The following SLC38A1 variants were observed in gnomAD, a reference collection of about 807,000 sequenced individuals.
SLC38A1 encodes the protein solute carrier family 38 member 1.
Under a neutral mutation model 60.3 loss-of-function variants are expected in SLC38A1, and 18 were observed. That is an observed-to-expected ratio of 0.30 (90% CI 0.21 to 0.44). The LOEUF (loss-of-function observed/expected upper bound fraction) is 0.44, where lower values mean the gene tolerates loss of function less well. Ranked by LOEUF, SLC38A1 falls within the 20% of genes least tolerant of loss-of-function variation. The probability of loss-of-function intolerance (pLI) is 1.00; values close to 1 mark genes in which losing one functional copy is unlikely to be tolerated. For synonymous variants in SLC38A1, 196 were observed against 212.1 expected, an observed-to-expected ratio of 0.92 and a Z score of 0.66; for missense variants, 448 against 587.2, an observed-to-expected ratio of 0.76 and a Z score of 2.45.
chr12:46,196,328 C>T (rs954062609), intron 16 of SLC38A1: 2 of 1,530,850 alleles, frequency 1.3e-6, no homozygotes, highest in Non-Finnish European at 1.7e-6. Context: ...ACATGGCATA[C>T]CATCCTGGGT....
chr12:46,210,698 GT>G (rs551989959), intron 5 of SLC38A1, among the ~76,000 whole-genome samples: 1,880 of 152,192 alleles, frequency 0.012, 17 homozygotes, highest in Non-Finnish European at 0.021. Context: ...AGATCTGATG[GT>G]TTTTTTATAA....
intron 5 of SLC38A1, among the ~76,000 whole-genome samples, chr12:46,213,377 A>C (rs1940262406): frequency 6.6e-6 from 1 of 152,110 alleles, no homozygotes; most frequent in Admixed American, 6.5e-5. Context: ...TTTACATTAC[A>C]TTTTATCTTT....
chr12:46,190,951 T>C (rs1300864084), intron 16 of SLC38A1, among the ~76,000 whole-genome samples: 1 of 152,238 alleles, frequency 6.6e-6, no homozygotes, highest in East Asian at 1.9e-4. Context: ...ATCCCATTTG[T>C]CTATTTTGGC....
At chr12:46,192,220 T>A (rs1418097332) in intron 16 of SLC38A1, among the ~76,000 whole-genome samples, 1 of 152,240 alleles carries the variant, frequency 6.6e-6, no homozygotes, top group Non-Finnish European at 1.5e-5. Context: ...GTTCTGTTTA[T>A]GTGATGGATT....
chr12:46,186,296 C>T lies in SLC38A1; in HGVS notation c.*2674G>A, dbSNP rs998776752. On this transcript the variant is annotated 3_prime_UTR_variant, in exon 17 of 17. Transcript: ENST00000398637. ...TTGACAGTATTCTGTGTTACAATAA[C>T]TAGAGAACAGTTCTAAGTCCAAAGT... 4 of 152,150 alleles carry T rather than the reference C, an allele frequency of 2.6e-5. No homozygotes were observed. Among genetic ancestry groups the T allele is most frequent in the African/African-American group, 9.7e-5 (4 of 41,428 alleles). 9.4% of individuals were successfully genotyped at this position (152,150 alleles called of 1,614,324 possible).
chr12:46,214,392 GTTAT>G (rs1252751373), intron 5 of SLC38A1, among the ~76,000 whole-genome samples: 2 of 152,092 alleles, frequency 1.3e-5, no homozygotes, highest in Non-Finnish European at 2.9e-5. Context: ...TTTGAAAAAC[GTTAT>G]TTGTCAATGT....
intron 16 of SLC38A1, among the ~76,000 whole-genome samples, chr12:46,193,927 A>C (rs1002330911): frequency 6.6e-6 from 1 of 152,098 alleles, no homozygotes; most frequent in Non-Finnish European, 1.5e-5. Context: ...CATTTAGCCC[A>C]TTTACATTTG....
At chr12:46,248,265 G>A (rs538873897) in intron 1 of SLC38A1, among the ~76,000 whole-genome samples, 121 of 152,132 alleles carry the variant, frequency 8.0e-4, no homozygotes, top group African/African-American at 1.3e-3. Context: ...CTCAAGACCC[G>A]TAATTGTGCT....
rs775247689 is a variant in SLC38A1, at chr12:46,201,194, A to T, written c.907T>A (p.Ser303Thr). 9 of 1,611,928 alleles carry T rather than the reference A, an allele frequency of 5.6e-6. No individual in the cohort carries two copies. In the African/African-American group the frequency reaches 1.2e-4, roughly 22 times the overall value. Residue 303 changes from serine to threonine, a missense_variant, in exon 13 of 17, where the codon TCA becomes ACA. By Grantham distance (58) the Ser-to-Thr change is moderately conservative. Coordinates refer to ENST00000398637, the MANE Select transcript of SLC38A1 (RefSeq NM_030674.4). ...LPIYSELKDR[S>T]QKKMQMVSNI... is the part of the protein sequence containing the mutation. Reference sequence around the variant, plus strand: ...GAAACCATCTGCATTTTTTTCTGTGATCGGCTAAAAACAAATAAATGTTAA... The same window carrying T: ...GAAACCATCTGCATTTTTTTCTGTGTTCGGCTAAAAACAAATAAATGTTAA...
In SLC38A1 at chr12:46,186,234, C is replaced by G. The variant is rs1938932944; in HGVS notation, c.*2736G>C. The G allele has an allele frequency of 6.6e-6, 1 of 152,154 alleles. No individual in the cohort carries two copies. Among genetic ancestry groups the G allele is most frequent in the Non-Finnish European group, 1.5e-5 (1 of 68,038 alleles). The allele number at this position is 152,154 out of a possible 1,614,324, so 9.4% of individuals were successfully genotyped here. On this transcript the variant is annotated 3_prime_UTR_variant, in exon 17 of 17. Transcript: ENST00000398637. ...TTCCCTCCTGTGCGTATTTCATCAG[C>G]CCCACTTCCAATAAGTAACATTAAG...
chr12:46,205,886 G>A (rs986637310), intron 9 of SLC38A1, among the ~76,000 whole-genome samples, 194 bp downstream of exon 9: 10 of 152,066 alleles, frequency 6.6e-5, no homozygotes, highest in Non-Finnish European at 1.3e-4. Context: ...TAGAGGGATT[G>A]TTTAGGAGGT....
At chr12:46,226,589 A>T (rs1283733951) in intron 5 of SLC38A1, among the ~76,000 whole-genome samples, 1 of 150,446 alleles carries the variant, frequency 6.6e-6, no homozygotes, top group African/African-American at 2.4e-5. Context: ...ATGTAAAAAA[A>T]TTTCCCAAAC....
chr12:46,248,082 T>C (rs1941685797), intron 1 of SLC38A1, among the ~76,000 whole-genome samples: 1 of 152,162 alleles, frequency 6.6e-6, no homozygotes, highest in Non-Finnish European at 1.5e-5. Context: ...TGCAAAAACA[T>C]GCCAAATTGT....
At chr12:46,248,814 AAACT>A (rs1941719954) in intron 1 of SLC38A1, among the ~76,000 whole-genome samples, 1 of 152,176 alleles carries the variant, frequency 6.6e-6, no homozygotes. Context: ...AAATCACAAC[AAACT>A]GTCTCTCAGA....
chr12:46,204,682 T>G (rs1939815382), intron 9 of SLC38A1, 92 bp from the exon 10 acceptor site: 2 of 881,156 alleles, frequency 2.3e-6, no homozygotes. Flanking sequence ...TATTTCAAAA[T>G]TCATCACCTC....
intron 11 of SLC38A1, among the ~76,000 whole-genome samples, chr12:46,203,386 C>T (rs915071266): frequency 4.6e-5 from 7 of 152,096 alleles, no homozygotes; most frequent in African/African-American, 1.4e-4. Context: ...AGTTACATGG[C>T]ACTCTTCCTA....
intron 12 of SLC38A1, among the ~76,000 whole-genome samples, chr12:46,202,213 G>T (rs568361625): frequency 0.02 from 2,943 of 149,290 alleles, 46 homozygotes; most frequent in Middle Eastern, 0.035. Context: ...AATAAATAAA[G>T]AAAAATTGAG....
chr12:46,253,231 G>A (rs1210323633), intron 1 of SLC38A1, among the ~76,000 whole-genome samples: 1 of 152,136 alleles, frequency 6.6e-6, no homozygotes, highest in African/African-American at 2.4e-5. Context: ...TCCTGATCTG[G>A]ACCCCAAAAG....
intron 16 of SLC38A1, chr12:46,196,135 G>T: frequency 6.5e-7 from 1 of 1,535,748 alleles, no homozygotes; most frequent in South Asian, 1.2e-5. Flanking sequence ...GACTAATACA[G>T]ATTACTAAAT....
Sources: gnomAD v4.1 joint callset for allele counts (sites outside exome capture counted in the v4.1 genomes callset) on GRCh38, gnomAD v4.1.1 for gene constraint, MANE v1.5 for transcripts, NCBI Gene and HGNC (gene_info 2026-07-23, HGNC 2026-07-21) for gene names.